The following BRINP2 variants were observed in gnomAD, a reference collection of about 807,000 sequenced individuals.
The protein encoded by BRINP2 is BMP/retinoic acid inducible neural specific 2.
A neutral mutation model predicts 69.2 loss-of-function variants in BRINP2; 21 were observed. That is an observed-to-expected ratio of 0.30 (90% CI 0.22 to 0.44). The LOEUF (loss-of-function observed/expected upper bound fraction) is 0.44, where lower values mean the gene tolerates loss of function less well. BRINP2 is among the 20% of genes least tolerant of loss of function. BRINP2 has a pLI of 1.00. For synonymous variants in BRINP2, 380 were observed against 394.1 expected (o/e 0.96, Z 0.42); for missense variants, 877 against 986.0 (o/e 0.89, Z 1.48).
At position 177,256,425 on chromosome 1, in the gene BRINP2, A is replaced by G; in HGVS notation, c.460+316A>G. On this transcript the variant is annotated intron_variant, in intron 3 of 7. Transcript: ENST00000361539. Reference sequence around the variant, plus strand: ...GTCACCCAACCCCTGAGGCTTCGCCACTTTCTAATGTTTGCTGTGGCTACA... The same window carrying G: ...GTCACCCAACCCCTGAGGCTTCGCCGCTTTCTAATGTTTGCTGTGGCTACA... The G allele has an allele frequency of 1.2e-5, 12 of 985,416 alleles. 1 individual carries two copies. Among genetic ancestry groups the G allele is most frequent in the Non-Finnish European group, 1.4e-5 (12 of 829,928 alleles). The allele number at this position is 985,416 out of a possible 1,614,324, so 61.0% of individuals were successfully genotyped here.
At chr1:177,258,489 C>T (rs1460517838) in intron 4 of BRINP2, among the ~76,000 whole-genome samples, 2 of 152,204 alleles carry the variant, frequency 1.3e-5, no homozygotes, top group East Asian at 3.9e-4. Flanking sequence ...GCAGAGAGAT[C>T]ATTCATAAAT....
At chr1:177,243,469 A>C (rs1462331615) in intron 2 of BRINP2, among the ~76,000 whole-genome samples, 2 of 151,984 alleles carry the variant, frequency 1.3e-5, no homozygotes, top group East Asian at 3.9e-4. Flanking sequence ...CCAACAAGCA[A>C]GAAGAAGGGA....
At position 177,256,030 on chromosome 1, in the gene BRINP2, G is replaced by A. The variant is rs781497532; in HGVS notation, c.381G>A (p.Arg127=). The change falls in exon 3 of 8, where the codon AGG becomes AGA. Residue 127 remains arginine (R), a synonymous_variant. Transcript: ENST00000361539. ...EFIRNIRLLG[R]RPNLQQVTEN... ...TCCGGAACATTCGCCTCCTTGGAAG[G>A]AGACCCAATCTGCAACAGGTTACAG... 1.2e-6 allele frequency: 2 copies of A among 1,614,178 alleles called. No homozygotes were observed. Among genetic ancestry groups the A allele is most frequent in the Non-Finnish European group, 1.7e-6 (2 of 1,180,044 alleles).
intron 1 of BRINP2, among the ~76,000 whole-genome samples, chr1:177,227,007 C>T (rs541002431): frequency 6.6e-6 from 1 of 152,326 alleles, no homozygotes; most frequent in South Asian, 2.1e-4. Flanking sequence ...CCTTTGTCCT[C>T]ACTGCCACCA....
At chr1:177,244,943 A>C (rs1650327331) in intron 2 of BRINP2, among the ~76,000 whole-genome samples, 2 of 152,148 alleles carry the variant, frequency 1.3e-5, no homozygotes. Context: ...AGCCAAACCC[A>C]ATATCACTGA....
chr1:177,230,651 C>T (rs1476350390), intron 2 of BRINP2, among the ~76,000 whole-genome samples: 6 of 152,216 alleles, frequency 3.9e-5, no homozygotes, highest in East Asian at 1.9e-4. Context: ...CCCCAGGCTC[C>T]GCAGGCCTTG....
At chr1:177,201,464 A>G (rs879714617) in intron 1 of BRINP2, among the ~76,000 whole-genome samples, 21 of 152,216 alleles carry the variant, frequency 1.4e-4, no homozygotes, top group Admixed American at 7.2e-4. Context: ...CTGGAAGTCA[A>G]AGATTTTGCC....
intron 2 of BRINP2, among the ~76,000 whole-genome samples, chr1:177,234,924 G>A (rs1211129617): frequency 2.6e-5 from 4 of 152,182 alleles, no homozygotes; most frequent in African/African-American, 4.8e-5. Flanking sequence ...AGAATCAGGT[G>A]ATTGGTGAAT....
intron 1 of BRINP2, among the ~76,000 whole-genome samples, chr1:177,203,873 G>A (rs1196949332): frequency 2.0e-5 from 3 of 152,180 alleles, no homozygotes; most frequent in African/African-American, 7.2e-5. Flanking sequence ...GAGAGGTGAT[G>A]TTTCAAGAGG....
intron 2 of BRINP2, among the ~76,000 whole-genome samples, chr1:177,255,418 T>C (rs1650723612): frequency 6.6e-6 from 1 of 152,190 alleles, no homozygotes; most frequent in Non-Finnish European, 1.5e-5. Flanking sequence ...TGTACAAATA[T>C]GGGGATTCAA....
At chr1:177,245,412 G>A (rs530401720) in intron 2 of BRINP2, among the ~76,000 whole-genome samples, 13 of 152,262 alleles carry the variant, frequency 8.5e-5, no homozygotes, top group Admixed American at 5.2e-4. Flanking sequence ...AAATACCAGA[G>A]GGGCTATTTC....
chr1:177,241,018 C>G (rs988613202), intron 2 of BRINP2, among the ~76,000 whole-genome samples: 1 of 151,806 alleles, frequency 6.6e-6, no homozygotes. Flanking sequence ...GTCACCCAGG[C>G]TGGAGTACAG....
At chr1:177,185,135 C>T (rs541037669) in intron 1 of BRINP2, among the ~76,000 whole-genome samples, 9 of 151,426 alleles carry the variant, frequency 5.9e-5, no homozygotes, top group African/African-American at 2.2e-4. Flanking sequence ...TAATGGTTGT[C>T]ATGTTGGAAA....
intron 1 of BRINP2, among the ~76,000 whole-genome samples, chr1:177,181,415 G>A (rs1648243631): frequency 6.6e-6 from 1 of 152,232 alleles, no homozygotes; most frequent in South Asian, 2.1e-4. Flanking sequence ...GGTAGCTGGT[G>A]ACTGGGGCCT....
chr1:177,219,152 T>C (rs1649455294), intron 1 of BRINP2, among the ~76,000 whole-genome samples: 1 of 152,212 alleles, frequency 6.6e-6, no homozygotes, highest in Admixed American at 6.5e-5. Flanking sequence ...GAAATGATGC[T>C]TTGTGGTCAG....
intron 1 of BRINP2, among the ~76,000 whole-genome samples, chr1:177,208,897 A>G (rs1649143340): frequency 6.6e-6 from 1 of 152,320 alleles, no homozygotes; most frequent in Non-Finnish European, 1.5e-5. Context: ...GGTACCCAGA[A>G]ATGTACGTGA....
intron 1 of BRINP2, among the ~76,000 whole-genome samples, chr1:177,227,097 G>C (rs1236251489): frequency 6.6e-6 from 1 of 152,180 alleles, no homozygotes; most frequent in African/African-American, 2.4e-5. Context: ...CAACTGATTA[G>C]CAACCAGATC....
intron 2 of BRINP2, among the ~76,000 whole-genome samples, chr1:177,237,009 G>C (rs1038233209): frequency 6.6e-6 from 1 of 151,984 alleles, no homozygotes; most frequent in African/African-American, 2.4e-5. Context: ...TGCATGTGTA[G>C]AGAAATTAGG....
At chr1:177,195,248 G>A (rs1648707255) in intron 1 of BRINP2, among the ~76,000 whole-genome samples, 1 of 151,918 alleles carries the variant, frequency 6.6e-6, no homozygotes. Context: ...TTCAAGTTTT[G>A]GAGGCACTTC....
Sources: gnomAD v4.1 joint callset for allele counts (sites outside exome capture counted in the v4.1 genomes callset) on GRCh38, gnomAD v4.1.1 for gene constraint, MANE v1.5 for transcripts, NCBI Gene and HGNC (gene_info 2026-07-23, HGNC 2026-07-21) for gene names.